Variants in CHD6 observed in about 807,000 individuals in gnomAD.
CHD6 encodes the protein ATP-dependent chromatin remodeler CHD6.
CHD6 carries 50 observed loss-of-function variants against 276.9 expected under a neutral mutation model. The ratio of observed to expected loss-of-function variants is 0.18; its 90% confidence interval spans 0.14 to 0.23. The LOEUF is 0.23. Among genes scored for constraint, CHD6 ranks in the 10% least tolerant of loss-of-function variants. CHD6 has a pLI of 1.00. For missense variants in CHD6, 2,564 were observed against 3,365.8 expected, an observed-to-expected ratio of 0.76 and a Z score of 5.89; for synonymous variants, 1,173 against 1,229.3, an observed-to-expected ratio of 0.95 and a Z score of 0.96.
intron 36 of CHD6, among the ~76,000 whole-genome samples, chr20:41,408,845 A>G (rs184338896): frequency 6.6e-6 from 1 of 152,328 alleles, no homozygotes; most frequent in Non-Finnish European, 1.5e-5. Flanking sequence ...TCTGCTATAA[A>G]TCAGATCTTC....
At chr20:41,494,798 C>G (rs960314313) in intron 8 of CHD6, among the ~76,000 whole-genome samples, 7 of 152,184 alleles carry the variant, frequency 4.6e-5, no homozygotes, top group African/African-American at 1.2e-4. Flanking sequence ...CCCTGGCAAG[C>G]CTCTCAGATT....
chr20:41,433,074 AT>A (rs756822298), intron 27 of CHD6, among the ~76,000 whole-genome samples: 1 of 151,312 alleles, frequency 6.6e-6, no homozygotes, highest in Non-Finnish European at 1.5e-5. Context: ...CCCAATGTGA[AT>A]AACAGAAAAA....
intron 16 of CHD6, among the ~76,000 whole-genome samples, chr20:41,478,519 T>G (rs925721097): frequency 6.6e-6 from 1 of 152,160 alleles, no homozygotes; most frequent in South Asian, 2.1e-4. Context: ...AGCTGTTGTC[T>G]TTCTGACACA....
chr20:41,514,551 C>A (rs1193529570), intron 4 of CHD6, among the ~76,000 whole-genome samples: 1 of 152,186 alleles, frequency 6.6e-6, no homozygotes, highest in Non-Finnish European at 1.5e-5. Context: ...CACATCAACT[C>A]CCTCTGCAGC....
chr20:41,538,430 C>T (rs887619175), intron 2 of CHD6, among the ~76,000 whole-genome samples: 2 of 152,062 alleles, frequency 1.3e-5, no homozygotes, highest in African/African-American at 4.8e-5. Flanking sequence ...TGAAAACAGG[C>T]TAAATGAAAT....
chr20:41,482,576 T>G (rs2043319866), intron 16 of CHD6: 2 of 507,696 alleles, frequency 3.9e-6, no homozygotes, highest in South Asian at 2.9e-5. Flanking sequence ...GGCTACCAGT[T>G]TCTATGATCT....
intron 2 of CHD6, among the ~76,000 whole-genome samples, chr20:41,545,508 G>C (rs1306642497): frequency 1.3e-5 from 2 of 152,086 alleles, no homozygotes; most frequent in Non-Finnish European, 2.9e-5. Context: ...TGGCCCAGAT[G>C]ATCTTCAGAC....
At chr20:41,598,949 T>C (rs889144878) in intron 1 of CHD6, among the ~76,000 whole-genome samples, 1 of 152,126 alleles carries the variant, frequency 6.6e-6, no homozygotes, top group East Asian at 1.9e-4. Flanking sequence ...AAAGGAGTAC[T>C]CCCTACGGGT....
In CHD6 at chr20:41,421,838, G is replaced by A. The variant is rs888781789; in HGVS notation, c.4797C>T (p.Tyr1599=). The change falls in exon 31 of 37, where the codon TAC becomes TAT. Residue 1599 remains tyrosine, a synonymous_variant. Coordinates refer to ENST00000373233, the MANE Select transcript of CHD6 (RefSeq NM_032221.5). ...AKHGLNRTDC[Y]IMNDPQLSFL... The stretch of plus-strand genomic sequence containing the variant: ...AGGACAGCTGGGGGTCGTTCATGAT[G>A]TAACAGTCAGTGCGGTTCAGCCCAT... The A allele has an allele frequency of 1.2e-6, 2 of 1,614,192 alleles. No homozygotes were observed. The highest frequency in any genetic ancestry group is 2.2e-5 in the South Asian group (2 of 91,076).
intron 14 of CHD6, among the ~76,000 whole-genome samples, chr20:41,486,967 A>G (rs996381916): frequency 2.4e-4 from 36 of 152,132 alleles, no homozygotes; most frequent in African/African-American, 7.7e-4. Context: ...CTAATTCTCA[A>G]ATAGATGTAA....
chr20:41,420,471 G>C (rs142127530), intron 31 of CHD6, 37 bp downstream of exon 31: 1 of 1,563,718 alleles, frequency 6.4e-7, no homozygotes, highest in East Asian at 2.2e-5. Flanking sequence ...GTGTGAACTA[G>C]TTTATCCAAA....
chr20:41,539,236 G>A (rs2044893765), intron 2 of CHD6, among the ~76,000 whole-genome samples: 1 of 152,174 alleles, frequency 6.6e-6, no homozygotes, highest in South Asian at 2.1e-4. Context: ...GAGGTGTGCT[G>A]CTCTCTTCTC....
chr20:41,473,609 T>C lies in CHD6; in HGVS notation c.2469-92A>G, dbSNP rs932178087. On this transcript the variant is annotated intron_variant, in intron 16 of 36. Transcript: ENST00000373233. The surrounding 1 kb of genome is among the most constrained non-coding windows in gnomAD (Gnocchi z 4.1). ...TGCAGGAAGCTGTCGACTGATGGCC[T>C]TAAATCCCTCACTTCTAAATTTGGA... 4.1e-5 allele frequency: 42 copies of C among 1,022,700 alleles called. No homozygotes were observed. Among genetic ancestry groups the C allele is most frequent in the Non-Finnish European group, 6.0e-5 (41 of 679,824 alleles). 63.4% of individuals were successfully genotyped at this position (1,022,700 alleles called of 1,614,324 possible). A position where few individuals can be genotyped will look rare whatever the true frequency, so the allele number is the denominator to read the frequency against.
chr20:41,532,956 G>T (rs2044724923), intron 3 of CHD6, 94 bp downstream of exon 3: 2 of 1,382,068 alleles, frequency 1.4e-6, no homozygotes, highest in East Asian at 2.4e-5. Context: ...CAGGAGTGCA[G>T]CAGGGTTATG....
intron 27 of CHD6, among the ~76,000 whole-genome samples, chr20:41,433,326 G>A (rs2047602989): frequency 6.6e-6 from 1 of 152,036 alleles, no homozygotes; most frequent in Non-Finnish European, 1.5e-5. Context: ...ATAAACTTCT[G>A]AAAACTAAAG....
At position 41,591,565 on chromosome 20, in the gene CHD6, T is replaced by C. The variant is rs141689274; in HGVS notation, c.-24+26775A>G. Reference sequence around the variant, plus strand: ...AAAATTAGCTGGGCATGGTAGCGTGTGCCTATAATACCAGCTATTCGGGAG... The same window carrying C: ...AAAATTAGCTGGGCATGGTAGCGTGCGCCTATAATACCAGCTATTCGGGAG... On this transcript the variant is annotated intron_variant, in intron 1 of 36. Transcript: ENST00000373233. Among the ~76,000 whole-genome samples the C allele has an allele frequency of 5.1e-4, 78 of 152,140 alleles. No individual in the cohort carries two copies. The East Asian group carries it at 0.012, about 24-fold the overall frequency.
intron 3 of CHD6, among the ~76,000 whole-genome samples, chr20:41,523,259 CT>C (rs1370326474): frequency 6.6e-6 from 1 of 152,062 alleles, no homozygotes; most frequent in Non-Finnish European, 1.5e-5. Context: ...ATACAAAGGC[CT>C]AATACTCCCA....
chr20:41,480,715 A>G (rs2043275314), intron 16 of CHD6, among the ~76,000 whole-genome samples: 1 of 152,202 alleles, frequency 6.6e-6, no homozygotes, highest in South Asian at 2.1e-4. Context: ...TATAAATACC[A>G]AAAGAAATAG....
At position 41,424,124 on chromosome 20, in the gene CHD6, T is replaced by G. The variant is rs374684748; in HGVS notation, c.4347-424A>C. ...ATAGAAGCAGAGAATCCTGAAGGGA[T>G]GTTCCAGACCATTAAATTCAACCTC... On this transcript the variant is annotated intron_variant, in intron 29 of 36. Transcript: ENST00000373233. Among the ~76,000 whole-genome samples the G allele has an allele frequency of 9.2e-5, 14 of 152,340 alleles. No individual in the cohort carries two copies. The East Asian group carries it at 2.5e-3, about 27-fold the overall frequency.
Sources: allele counts gnomAD v4.1 joint callset (sites outside exome capture counted in the v4.1 genomes callset), GRCh38; gene constraint gnomAD v4.1.1; non-coding constraint Gnocchi (gnomAD v3.1); transcripts MANE v1.5; gene names NCBI Gene and HGNC (gene_info 2026-07-23, HGNC 2026-07-21).